The following TBC1D5 variants were observed in gnomAD, a reference collection of about 807,000 sequenced individuals.
The protein encoded by TBC1D5 is TBC1 domain family member 5.
Under a neutral mutation model 100.3 loss-of-function variants are expected in TBC1D5, and 75 were observed. That is an observed-to-expected ratio of 0.75 (90% confidence interval 0.62 to 0.91). The LOEUF is 0.91. Ranked by LOEUF, TBC1D5 falls within the 40% of genes least tolerant of loss-of-function variation. The pLI is 0.00. For missense variants in TBC1D5, 910 were observed against 942.4 expected (o/e 0.97, Z 0.45); for synonymous variants, 323 against 325.6 (o/e 0.99, Z 0.09).
At chr3:17,455,056 T>C (rs1183933053) in intron 3 of TBC1D5, among the ~76,000 whole-genome samples, 3 of 150,500 alleles carry the variant, frequency 2.0e-5, no homozygotes, top group African/African-American at 4.9e-5. Context: ...GCTATCAAAA[T>C]ACCAAATGAC....
At chr3:17,366,170 G>A (rs1450334220) in intron 13 of TBC1D5, among the ~76,000 whole-genome samples, 2 of 151,762 alleles carry the variant, frequency 1.3e-5, no homozygotes, top group Non-Finnish European at 2.9e-5. Context: ...AGGTGCCTGT[G>A]GTCCCAGCTA....
chr3:17,696,915 T>A (rs1283306344), intron 1 of TBC1D5, among the ~76,000 whole-genome samples: 1 of 152,112 alleles, frequency 6.6e-6, no homozygotes, highest in African/African-American at 2.4e-5. Context: ...CATGATCAAG[T>A]CAGCTTCACC....
chr3:17,392,519 C>T (rs1277874140), intron 8 of TBC1D5, among the ~76,000 whole-genome samples: 1 of 152,072 alleles, frequency 6.6e-6, no homozygotes, highest in African/African-American at 2.4e-5. Context: ...CCCTAAACCC[C>T]CGACCCCGCA....
intron 13 of TBC1D5, among the ~76,000 whole-genome samples, chr3:17,346,008 A>G (rs1412752724): frequency 6.6e-6 from 1 of 152,164 alleles, no homozygotes. Flanking sequence ...AGCATGGCAC[A>G]TGTATACATA....
intron 13 of TBC1D5, among the ~76,000 whole-genome samples, chr3:17,347,180 A>G (rs1371570469): frequency 6.6e-6 from 1 of 152,158 alleles, no homozygotes; most frequent in African/African-American, 2.4e-5. Flanking sequence ...AGATCCTTCA[A>G]GTACCAACTA....
At chr3:17,291,373 G>A (rs1168354127) in intron 15 of TBC1D5, among the ~76,000 whole-genome samples, 2 of 152,148 alleles carry the variant, frequency 1.3e-5, no homozygotes, top group Non-Finnish European at 2.9e-5. Flanking sequence ...CAGTGTTAAA[G>A]TCTGTTTAAA....
intron 18 of TBC1D5, among the ~76,000 whole-genome samples, chr3:17,210,655 C>T (rs1308417392): frequency 6.6e-6 from 1 of 152,180 alleles, no homozygotes; most frequent in Non-Finnish European, 1.5e-5. Flanking sequence ...TTCAGTAATA[C>T]ATCTGAGTGT....
intron 3 of TBC1D5, among the ~76,000 whole-genome samples, chr3:17,453,419 C>G (rs1308881892): frequency 6.6e-6 from 1 of 151,298 alleles, no homozygotes; most frequent in Non-Finnish European, 1.5e-5. Context: ...GCCATACTAA[C>G]AAAGAAAAAT....
intron 1 of TBC1D5, among the ~76,000 whole-genome samples, chr3:17,713,970 T>C (rs902720080): frequency 2.0e-5 from 3 of 152,174 alleles, no homozygotes; most frequent in Admixed American, 2.0e-4. Flanking sequence ...GCCAAATAAA[T>C]GTTGAATCAA....
chr3:17,414,531 T>C (rs552708525), intron 4 of TBC1D5, among the ~76,000 whole-genome samples: 7 of 152,276 alleles, frequency 4.6e-5, no homozygotes, highest in African/African-American at 1.7e-4. Flanking sequence ...ACTATTCAAA[T>C]AGAACAAGTA....
chr3:17,563,168 C>G (rs768405733), intron 2 of TBC1D5, among the ~76,000 whole-genome samples: 1 of 152,152 alleles, frequency 6.6e-6, no homozygotes, highest in Non-Finnish European at 1.5e-5. Flanking sequence ...ATTGGGAATA[C>G]TAGACAGAGA....
intron 3 of TBC1D5, among the ~76,000 whole-genome samples, chr3:17,467,531 A>G (rs2095321447): frequency 6.6e-6 from 1 of 151,954 alleles, no homozygotes; most frequent in African/African-American, 2.4e-5. Context: ...CATTTACTCA[A>G]AACTACATAA....
chr3:17,248,121 A>T (rs1405072173), intron 16 of TBC1D5, among the ~76,000 whole-genome samples: 1 of 151,988 alleles, frequency 6.6e-6, no homozygotes, highest in Admixed American at 6.6e-5. Flanking sequence ...CCTTGCGAGC[A>T]ACTGGGACTA....
chr3:17,444,246 AAAAGAAAAAAG>A (rs1208511908), intron 3 of TBC1D5, among the ~76,000 whole-genome samples: 2 of 152,090 alleles, frequency 1.3e-5, no homozygotes, highest in Admixed American at 6.5e-5. Flanking sequence ...CTACCAACAA[AAAAGAAAAAAG>A]AAAGAAAAAG....
chr3:17,553,163 T>A (rs563516489), intron 2 of TBC1D5, among the ~76,000 whole-genome samples: 1 of 152,162 alleles, frequency 6.6e-6, no homozygotes. Context: ...AATGGTGTCA[T>A]GTGTCCCTGC....
chr3:17,527,315 G>C (rs2096150554), intron 2 of TBC1D5, among the ~76,000 whole-genome samples: 1 of 152,162 alleles, frequency 6.6e-6, no homozygotes, highest in South Asian at 2.1e-4. Context: ...TGAAAGAAGA[G>C]CATGCTGCGA....
intron 1 of TBC1D5, among the ~76,000 whole-genome samples, chr3:17,686,730 T>C (rs545776768): frequency 8.5e-5 from 13 of 152,110 alleles, no homozygotes; most frequent in South Asian, 6.2e-4. Context: ...TGTTAAAGCA[T>C]GGGTTCTCAA....
intron 2 of TBC1D5, among the ~76,000 whole-genome samples, chr3:17,595,447 G>A (rs1031239724): frequency 6.6e-6 from 1 of 152,058 alleles, no homozygotes. Flanking sequence ...TTTATAGTCT[G>A]GGAAACTCAT....
At chr3:17,253,915 A>G (rs1574971859) in intron 16 of TBC1D5, among the ~76,000 whole-genome samples, 2 of 152,230 alleles carry the variant, frequency 1.3e-5, no homozygotes, top group Non-Finnish European at 2.9e-5. Context: ...ATTCATGTAT[A>G]TAGAAGGCTG....
Sources: gnomAD v4.1 joint callset for allele counts (sites outside exome capture counted in the v4.1 genomes callset) on GRCh38, gnomAD v4.1.1 for gene constraint, MANE v1.5 for transcripts, NCBI Gene and HGNC (gene_info 2026-07-23, HGNC 2026-07-21) for gene names.